GANC: variants seen among roughly 807,000 people sequenced by gnomAD.
GANC encodes the protein glucosidase alpha, neutral C.
GANC carries 117 observed loss-of-function variants against 124.2 expected under a neutral mutation model. The ratio of observed to expected loss-of-function variants is 0.94; its 90% CI spans 0.81 to 1.10. The LOEUF is 1.10. Among genes scored for constraint, GANC ranks in the 50% least tolerant of loss-of-function variants. The pLI, the probability that GANC is intolerant of heterozygous loss-of-function variation, is 0.00. For synonymous variants in GANC, 377 were observed against 376.8 expected, an observed-to-expected ratio of 1.00 and a Z score of -0.01; for missense variants, 1,140 against 1,095.0, an observed-to-expected ratio of 1.04 and a Z score of -0.58.
chr15:42,344,513 ACCATAGAAGGTAATATTCATTCCTT>A (rs2052349114), intron 19 of GANC, among the ~76,000 whole-genome samples: 1 of 152,128 alleles, frequency 6.6e-6, no homozygotes, highest in East Asian at 1.9e-4. Context: ...CAAACCTGTG[ACCATAGAAGGTAATATTCATTCCTT>A]CCAGGGATTG....
At chr15:42,336,172 A>G (rs1027316988) in intron 15 of GANC, among the ~76,000 whole-genome samples, 1 of 151,952 alleles carries the variant, frequency 6.6e-6, no homozygotes, top group Admixed American at 6.6e-5. Flanking sequence ...AGCCTGAATA[A>G]CCAAGGCAGT....
rs1310138043 is a variant in GANC at position 42,353,226 on chromosome 15, C to T, written c.*1087C>T. 1.0e-6 allele frequency: 1 copy of T among 985,842 alleles called. No homozygotes were observed. The highest frequency in any genetic ancestry group is 1.2e-6 in the Non-Finnish European group (1 of 829,930). 61.1% of individuals were successfully genotyped at this position (985,842 alleles called of 1,614,324 possible). The stretch of plus-strand genomic sequence containing the variant: ...ACAGCATCTGTTTTAGCAGCCTCGA[C>T]TCCTCAGCACTCCTCAGCACACACC... On this transcript the variant is annotated 3_prime_UTR_variant, in exon 24 of 24. Transcript: ENST00000318010.
In GANC at chr15:42,287,677, GT is replaced by G; in HGVS notation, c.202-13del. 5 of 1,607,914 alleles carry G rather than the reference GT, an allele frequency of 3.1e-6. No individual in the cohort carries two copies. The highest frequency in any genetic ancestry group is 4.2e-6 in the Non-Finnish European group (5 of 1,177,748). On this transcript the variant is annotated splice_polypyrimidine_tract_variant and intron_variant, in intron 3 of 23. Transcript: ENST00000318010. ...GGTAACCTGTTGAAGGTAATCTCTT[GT>G]ATCTGTTTCCAGGTTCCTCTCCTGG...
Position 42,330,571 on chromosome 15 carries a change from T to C in GANC, c.1645-5T>C, listed in dbSNP as rs766373220. 6.2e-7 allele frequency: 1 copy of C among 1,608,894 alleles called. No individual in the cohort carries two copies. On this transcript the variant is annotated splice_polypyrimidine_tract_variant and splice_region_variant and intron_variant, in intron 14 of 23. Coordinates refer to ENST00000318010, the MANE Select transcript of GANC (RefSeq NM_198141.3). The stretch of plus-strand genomic sequence containing the variant: ...CTTTGAAATTTTTCTTGTTTGGTGA[T>C]ATAGCAAATGGCTACTGCAGAAGGA...
intron 22 of GANC, among the ~76,000 whole-genome samples, chr15:42,350,645 C>T (rs1408233317): frequency 2.7e-5 from 4 of 150,798 alleles, no homozygotes; most frequent in African/African-American, 7.4e-5. Flanking sequence ...CTCAGCCTCC[C>T]GGGTTCAAGC....
At chr15:42,312,189 A>G (rs1036039664) in intron 10 of GANC, among the ~76,000 whole-genome samples, 1 of 152,222 alleles carries the variant, frequency 6.6e-6, no homozygotes, top group Non-Finnish European at 1.5e-5. Flanking sequence ...ATAGAATTGC[A>G]CAGGGACCTG....
In GANC at chr15:42,353,253, C is replaced by T; in HGVS notation, c.*1114C>T. On this transcript the variant is annotated 3_prime_UTR_variant, in exon 24 of 24. Transcript: ENST00000318010. Reference sequence around the variant, plus strand: ...CCTCAGCACTCCTCAGCACACACCTCTTCTTATCAGGCTTCCTCCACTTAG... The same window carrying T: ...CCTCAGCACTCCTCAGCACACACCTTTTCTTATCAGGCTTCCTCCACTTAG... 5.1e-6 allele frequency: 5 copies of T among 986,114 alleles called. No homozygotes were observed. Among genetic ancestry groups the T allele is most frequent in the Non-Finnish European group, 6.0e-6 (5 of 830,086 alleles). The allele number at this position is 986,114 out of a possible 1,614,324, so 61.1% of individuals were successfully genotyped here. A position where few individuals can be genotyped will look rare whatever the true frequency, so the allele number is the denominator to read the frequency against.
At chr15:42,325,296 T>G (rs2052190423) in intron 11 of GANC, among the ~76,000 whole-genome samples, 1 of 151,524 alleles carries the variant, frequency 6.6e-6, no homozygotes, top group African/African-American at 2.4e-5. Context: ...AAAAAAAAAT[T>G]TAAGAAAATG....
chr15:42,278,061 C>G (rs2051693464), intron 2 of GANC: 1 of 392,042 alleles, frequency 2.6e-6, no homozygotes, highest in Non-Finnish European at 5.3e-6. Flanking sequence ...GAACAGGTAT[C>G]TAGAGGGAAG....
chr15:42,297,927 C>T (rs1403994943), intron 6 of GANC, among the ~76,000 whole-genome samples: 3 of 152,196 alleles, frequency 2.0e-5, no homozygotes, highest in Admixed American at 1.3e-4. Flanking sequence ...GGAGAATCAG[C>T]CTTGAATAAA....
chr15:42,330,690 T>G lies in GANC; in HGVS notation c.1741+18T>G. On this transcript the variant is annotated intron_variant, in intron 15 of 23. Transcript: ENST00000318010. ...AAAGTATGGTAAGGAATGGCTCATATCAGACTTAAAAACACATTAGCAACT... is the reference window on the plus strand; with the variant it reads ...AAAGTATGGTAAGGAATGGCTCATAGCAGACTTAAAAACACATTAGCAACT... 1 of 1,569,072 alleles carries G rather than the reference T, an allele frequency of 6.4e-7. No homozygotes were observed. The highest frequency in any genetic ancestry group is 8.7e-7 in the Non-Finnish European group (1 of 1,151,540).
chr15:42,305,098 A>G (rs2051980573), intron 6 of GANC, among the ~76,000 whole-genome samples: 1 of 152,246 alleles, frequency 6.6e-6, no homozygotes, highest in South Asian at 2.1e-4. Flanking sequence ...ACAAAAGCCA[A>G]AATTGACAAA....
intron 3 of GANC, chr15:42,281,222 G>T (rs1203755889): frequency 1.5e-5 from 10 of 650,144 alleles, no homozygotes; most frequent in Non-Finnish European, 2.8e-5. Context: ...AGATCACCCT[G>T]AAATTCTGCA....
intron 10 of GANC, chr15:42,314,143 A>G: frequency 1.3e-6 from 1 of 759,920 alleles, no homozygotes; most frequent in South Asian, 1.4e-5. Context: ...AGTTGAAAGC[A>G]TCTTGAAGAA....
At position 42,330,477 on chromosome 15, in the gene GANC, T is replaced by C. The variant is rs187531700; in HGVS notation, c.1645-99T>C. ...TATTTTAATATTTTCCATTTCATGC[T>C]CCTGCCTACTGTTTGCTTTTTGTAT... On this transcript the variant is annotated intron_variant, in intron 14 of 23. Coordinates refer to ENST00000318010, the MANE Select transcript of GANC (RefSeq NM_198141.3). The C allele has an allele frequency of 5.7e-4, 424 of 741,440 alleles. 1 individual carries two copies. In the African/African-American group the frequency reaches 6.7e-3, roughly 12 times the overall value. The allele number at this position is 741,440 out of a possible 1,614,324, so 45.9% of individuals were successfully genotyped here.
intron 10 of GANC, among the ~76,000 whole-genome samples, chr15:42,319,531 T>C (rs2052139112): frequency 6.6e-6 from 1 of 151,910 alleles, no homozygotes; most frequent in African/African-American, 2.4e-5. Flanking sequence ...TTATTTATTT[T>C]AATTTTTTTG....
chr15:42,345,053 T>C (rs2052353214), intron 19 of GANC: 1 of 152,168 alleles, frequency 6.6e-6, no homozygotes, highest in Non-Finnish European at 1.5e-5. Context: ...TGCCAGAAAG[T>C]GTACTGAGCT....
chr15:42,348,080 C>A, intron 20 of GANC, 23 bp from the exon 21 acceptor site: 1 of 1,332,516 alleles, frequency 7.5e-7, no homozygotes, highest in Non-Finnish European at 1.1e-6. Flanking sequence ...TACTGCTTCC[C>A]TGAGCGTGCT....
In GANC at chr15:42,273,455, C is replaced by T; in HGVS notation, c.-1027C>T. ...TTTCACCCTCTTCCGGTTCGTCCCG[C>T]CTTCTTCCGGCTCTGCTCTAAGGGC... On this transcript the variant is annotated 5_prime_UTR_variant, in exon 1 of 24. Coordinates refer to ENST00000318010, the MANE Select transcript of GANC (RefSeq NM_198141.3). 1 of 1,606,022 alleles carries T rather than the reference C, an allele frequency of 6.2e-7. No homozygotes were observed. The highest frequency in any genetic ancestry group is 2.2e-5 in the East Asian group (1 of 44,804).
Sources: allele counts gnomAD v4.1 joint callset (sites outside exome capture counted in the v4.1 genomes callset), GRCh38; gene constraint gnomAD v4.1.1; transcripts MANE v1.5; gene names NCBI Gene and HGNC (gene_info 2026-07-23, HGNC 2026-07-21).